The following TBC1D12 variants were observed in gnomAD, a reference collection of about 807,000 sequenced individuals.
TBC1D12 encodes TBC1 domain family, member 12.
A neutral mutation model predicts 86.7 loss-of-function variants in TBC1D12; 56 were observed. The observed-to-expected ratio is 0.65, with a 90% confidence interval of 0.52 to 0.81. The LOEUF (loss-of-function observed/expected upper bound fraction) is 0.81. TBC1D12 is among the 30% of genes least tolerant of loss of function. The pLI is 0.00. For synonymous variants in TBC1D12, 421 were observed against 411.7 expected (o/e 1.02, Z -0.27); for missense variants, 1,023 against 1,038.8 (o/e 0.98, Z 0.21).
intron 3 of TBC1D12, among the ~76,000 whole-genome samples, chr10:94,488,361 G>T (rs930333309): frequency 7.7e-6 from 1 of 129,610 alleles, no homozygotes; most frequent in Admixed American, 7.6e-5. Flanking sequence ...GGGTATTGCT[G>T]TTTGTTATTC....
At position 94,522,434 on chromosome 10, in the gene TBC1D12, G is replaced by GATAT. The variant is rs1374977467; in HGVS notation, c.1985_1988dup (p.Leu664IlefsTer11). On this transcript the variant is annotated frameshift_variant, in exon 11 of 13. Coordinates refer to ENST00000225235, the MANE Select transcript of TBC1D12 (RefSeq NM_015188.2). LOFTEE classifies it high-confidence loss of function. Reference sequence around the variant, plus strand: ...CTTCAAATCTTACAGTCTTACACCAGATATATACTTGATAGACTGGTAAGT... The same window carrying GATAT: ...CTTCAAATCTTACAGTCTTACACCAGATATATATATACTTGATAGACTGGTAAGT... 1.5e-6 allele frequency: 2 copies of GATAT among 1,354,342 alleles called. No homozygotes were observed. The allele number at this position is 1,354,342 out of a possible 1,614,324, so 83.9% of individuals were successfully genotyped here.
intron 3 of TBC1D12, among the ~76,000 whole-genome samples, chr10:94,492,815 C>A (rs1482214018): frequency 6.6e-6 from 1 of 152,162 alleles, no homozygotes; most frequent in Non-Finnish European, 1.5e-5. Context: ...GGTTAGTTAG[C>A]TGCACAGGTA....
chr10:94,526,046 G>A (rs1456016052), intron 11 of TBC1D12, among the ~76,000 whole-genome samples: 1 of 152,150 alleles, frequency 6.6e-6, no homozygotes. Flanking sequence ...CTATGTGGCT[G>A]TAATTTTGTA....
At chr10:94,497,739 C>T (rs1282229207) in intron 5 of TBC1D12, among the ~76,000 whole-genome samples, 2 of 147,328 alleles carry the variant, frequency 1.4e-5, no homozygotes, top group East Asian at 4.1e-4. Context: ...GTGGTGTCTG[C>T]TAAATCTTAC....
chr10:94,480,523 CT>C (rs1487314612), intron 3 of TBC1D12, among the ~76,000 whole-genome samples: 4 of 152,018 alleles, frequency 2.6e-5, no homozygotes, highest in Non-Finnish European at 5.9e-5. Context: ...GGCTTTGACT[CT>C]GCTGTTCATT....
chr10:94,422,571 ACAG>A (rs2055090161), intron 1 of TBC1D12, among the ~76,000 whole-genome samples: 3 of 151,972 alleles, frequency 2.0e-5, no homozygotes, highest in African/African-American at 7.2e-5. Flanking sequence ...CTATCAGGAA[ACAG>A]TTTGTTTATT....
At chr10:94,411,196 G>A (rs1309137765) in intron 1 of TBC1D12, among the ~76,000 whole-genome samples, 1 of 152,166 alleles carries the variant, frequency 6.6e-6, no homozygotes, top group Non-Finnish European at 1.5e-5. Flanking sequence ...AGATGGCACA[G>A]TGCATCAGCT....
intron 9 of TBC1D12, among the ~76,000 whole-genome samples, chr10:94,520,861 A>G (rs1229616996): frequency 3.9e-5 from 6 of 151,974 alleles, no homozygotes; most frequent in South Asian, 2.1e-4. Flanking sequence ...GGGTTTCACC[A>G]TGTTAGCCAG....
At chr10:94,508,300 A>G (rs1351312797) in intron 7 of TBC1D12, 4 of 151,392 alleles carry the variant, frequency 2.6e-5, no homozygotes, top group Admixed American at 6.6e-5. Flanking sequence ...ATTGAAAAAA[A>G]TTTTAATTCA....
intron 2 of TBC1D12, among the ~76,000 whole-genome samples, chr10:94,469,429 A>G (rs6421327): frequency 0.98 from 145,639 of 148,020 alleles, 71,685 homozygotes; most frequent in Non-Finnish European, 1. Context: ...CTGCTATGCT[A>G]GTTTCTGGAG....
chr10:94,426,502 G>A (rs966629248), intron 1 of TBC1D12, among the ~76,000 whole-genome samples: 10 of 152,226 alleles, frequency 6.6e-5, no homozygotes, highest in African/African-American at 2.2e-4. Flanking sequence ...AGTGTTGAAT[G>A]AGCCTTGTAT....
rs1327394432 is a variant in TBC1D12 at position 94,533,092 on chromosome 10, G to T, written c.2324G>T (p.Ser775Ile). 8.2e-6 allele frequency: 13 copies of T among 1,586,646 alleles called. No individual in the cohort carries two copies. Among genetic ancestry groups the T allele is most frequent in the African/African-American group, 1.4e-5 (1 of 73,914 alleles). ...AAGAACAGTAGTCCTGCTTTGAAAAGCTAGTCTTCAAAATTGACAGACTAA... is the reference window on the plus strand; with the variant it reads ...AAGAACAGTAGTCCTGCTTTGAAAATCTAGTCTTCAAAATTGACAGACTAA... ...GDKNSSPALK[S>I] The change falls in exon 13 of 13, where the codon AGC (serine) becomes ATC (isoleucine). Residue 775 changes from serine (S) to isoleucine (I), a missense_variant. Transcript: ENST00000225235.
chr10:94,484,715 C>G (rs978458324), intron 3 of TBC1D12, among the ~76,000 whole-genome samples: 1 of 152,066 alleles, frequency 6.6e-6, no homozygotes, highest in Non-Finnish European at 1.5e-5. Flanking sequence ...AATGTTGATT[C>G]TTCCAATCCA....
intron 3 of TBC1D12, among the ~76,000 whole-genome samples, chr10:94,483,084 G>A (rs1157981478): frequency 7.4e-6 from 1 of 134,930 alleles, no homozygotes; most frequent in Non-Finnish European, 1.5e-5. Context: ...GTGTCTTCCA[G>A]GCTGGAGTAC....
chr10:94,510,221 T>G, intron 8 of TBC1D12, 42 bp downstream of exon 8: 1 of 1,394,480 alleles, frequency 7.2e-7, no homozygotes, highest in Non-Finnish European at 9.8e-7. Context: ...AAAAAAAATC[T>G]ATCAATATCC....
intron 2 of TBC1D12, among the ~76,000 whole-genome samples, chr10:94,474,349 AC>A (rs1284379216): frequency 2.1e-5 from 3 of 144,430 alleles, no homozygotes; most frequent in South Asian, 2.2e-4. Flanking sequence ...AAAAAAAAAA[AC>A]AACTTTTTTT....
At chr10:94,468,560 G>C (rs192001978) in intron 2 of TBC1D12, among the ~76,000 whole-genome samples, 9 of 151,914 alleles carry the variant, frequency 5.9e-5, no homozygotes, top group Admixed American at 4.6e-4. Flanking sequence ...TCTTGTAATT[G>C]TTTTCACATT....
intron 2 of TBC1D12, among the ~76,000 whole-genome samples, chr10:94,459,109 CCATTTTACA>C: frequency 6.6e-6 from 1 of 150,966 alleles, no homozygotes; most frequent in South Asian, 2.1e-4. Flanking sequence ...GCTGATTGGT[CCATTTTACA>C]GAGAGCTGAT....
At chr10:94,426,123 T>C (rs182589212) in intron 1 of TBC1D12, among the ~76,000 whole-genome samples, 96 of 152,298 alleles carry the variant, frequency 6.3e-4, no homozygotes, top group Admixed American at 1.7e-3. Flanking sequence ...TATTTTTTCC[T>C]TTCTACTCTT....
Sources: allele counts gnomAD v4.1 joint callset (sites outside exome capture counted in the v4.1 genomes callset), GRCh38; gene constraint gnomAD v4.1.1; transcripts MANE v1.5; gene names NCBI Gene and HGNC (gene_info 2026-07-23, HGNC 2026-07-21).